Variants in DCC observed in about 807,000 individuals in gnomAD.
The protein encoded by DCC is DCC netrin 1 receptor, also known as netrin receptor DCC.
Under a neutral mutation model 172.5 loss-of-function variants are expected in DCC, and 58 were observed. That is an observed-to-expected ratio of 0.34 (90% CI 0.27 to 0.42). DCC has a LOEUF of 0.42. DCC is among the 10% of genes least tolerant of loss of function. The probability of loss-of-function intolerance (pLI) is 1.00; values close to 1 mark genes in which losing one functional copy is unlikely to be tolerated. For synonymous variants in DCC, 709 were observed against 644.5 expected (o/e 1.10, Z -1.52); for missense variants, 1,740 against 1,791.0 (o/e 0.97, Z 0.51).
intron 4 of DCC, among the ~76,000 whole-genome samples, chr18:52,924,366 T>C (rs2040168581): frequency 6.6e-6 from 1 of 152,134 alleles, no homozygotes; most frequent in Non-Finnish European, 1.5e-5. Flanking sequence ...AAAATGAAAC[T>C]AAATTTTTCT....
chr18:53,264,494 A>AG (rs1436000779), intron 12 of DCC, among the ~76,000 whole-genome samples: 41 of 151,350 alleles, frequency 2.7e-4, no homozygotes, highest in African/African-American at 5.3e-4. Context: ...AAAAAAAAAA[A>AG]AAGAAGAAGA....
intron 2 of DCC, among the ~76,000 whole-genome samples, chr18:52,778,058 A>T (rs2037465365): frequency 6.6e-6 from 1 of 152,236 alleles, no homozygotes. Context: ...AAATAGCAAT[A>T]TACTAAGCGA....
intron 19 of DCC, among the ~76,000 whole-genome samples, chr18:53,404,689 C>A (rs1909545536): frequency 1.3e-5 from 2 of 151,482 alleles, no homozygotes; most frequent in South Asian, 4.2e-4. Flanking sequence ...CCCGTTCGCG[C>A]TACTGCACTC....
intron 19 of DCC, among the ~76,000 whole-genome samples, chr18:53,403,958 C>T (rs1023517592): frequency 1.3e-5 from 2 of 152,068 alleles, no homozygotes; most frequent in East Asian, 3.9e-4. Context: ...AATTTTTATT[C>T]GAGCTGACAA....
chr18:52,953,121 A>C (rs1442084903), intron 5 of DCC, among the ~76,000 whole-genome samples: 2 of 151,830 alleles, frequency 1.3e-5, no homozygotes, highest in Non-Finnish European at 2.9e-5. Flanking sequence ...CTCTGGCTCA[A>C]TCCCCAAGCA....
chr18:52,865,516 T>C (rs573880287), intron 2 of DCC, among the ~76,000 whole-genome samples: 79 of 152,300 alleles, frequency 5.2e-4, no homozygotes, highest in Non-Finnish European at 1.0e-3. Flanking sequence ...TTCCTGACTT[T>C]TTAATGATCG....
intron 5 of DCC, among the ~76,000 whole-genome samples, chr18:53,024,232 G>GAT (rs1333860646): frequency 6.6e-6 from 1 of 152,118 alleles, no homozygotes; most frequent in African/African-American, 2.4e-5. Context: ...TTAGATGAAA[G>GAT]ATATGATATA....
chr18:52,402,876 T>C (rs754980097), intron 1 of DCC, among the ~76,000 whole-genome samples: 10 of 152,044 alleles, frequency 6.6e-5, no homozygotes, highest in Non-Finnish European at 1.0e-4. Context: ...GTCTTCAATA[T>C]AGTTGAACGA....
At chr18:53,435,364 A>G (rs903835649) in intron 22 of DCC, among the ~76,000 whole-genome samples, 155 bp downstream of exon 22, 6 of 150,040 alleles carry the variant, frequency 4.0e-5, no homozygotes, top group African/African-American at 1.5e-4. Flanking sequence ...ATTAAAAAAC[A>G]AAAACAAAAA....
intron 8 of DCC, among the ~76,000 whole-genome samples, chr18:53,159,181 G>A (rs1017030097): frequency 1.3e-5 from 2 of 151,952 alleles, no homozygotes; most frequent in African/African-American, 4.8e-5. Context: ...AATGATTCTT[G>A]CCCAGTCATC....
intron 27 of DCC, among the ~76,000 whole-genome samples, chr18:53,514,061 AAGCTCTCCTCAGCAAATGTAAAAGAACAG>A (rs1158681669): frequency 2.0e-5 from 3 of 152,174 alleles, no homozygotes; most frequent in Non-Finnish European, 2.9e-5. Context: ...CTTGGAAGTA[AAGCTCTCCTCAGCAAATGTAAAAGAACAG>A]AGATTATAAC....
At chr18:52,529,535 C>A (rs1378467931) in intron 1 of DCC, among the ~76,000 whole-genome samples, 1 of 152,210 alleles carries the variant, frequency 6.6e-6, no homozygotes, top group Non-Finnish European at 1.5e-5. Context: ...CGTGATCCAC[C>A]CGCCTCGGCC....
At chr18:53,488,576 CT>C (rs2045927809) in intron 26 of DCC, among the ~76,000 whole-genome samples, 1 of 152,136 alleles carries the variant, frequency 6.6e-6, no homozygotes, top group Non-Finnish European at 1.5e-5. Flanking sequence ...TCAATTTACT[CT>C]TTCCGTTTTC....
chr18:52,713,746 C>T (rs1182953334), intron 1 of DCC, among the ~76,000 whole-genome samples: 1 of 152,128 alleles, frequency 6.6e-6, no homozygotes, highest in Non-Finnish European at 1.5e-5. Flanking sequence ...CTGTTACTGT[C>T]ATCATCATTA....
intron 27 of DCC, among the ~76,000 whole-genome samples, chr18:53,507,828 A>G (rs916235674): frequency 6.6e-6 from 1 of 151,680 alleles, no homozygotes; most frequent in African/African-American, 2.4e-5. Flanking sequence ...TCTTTTACCC[A>G]GCAAGTTTTA....
chr18:53,272,770 G>A (rs1389969907), intron 12 of DCC, among the ~76,000 whole-genome samples: 3 of 152,118 alleles, frequency 2.0e-5, no homozygotes, highest in Non-Finnish European at 4.4e-5. Context: ...AGGTAGCAAT[G>A]TTTACTTCTT....
At position 53,271,046 on chromosome 18, in the gene DCC, G is replaced by A. The variant is rs967256840; in HGVS notation, c.1912-34532G>A. On this transcript the variant is annotated intron_variant, in intron 12 of 28. Coordinates refer to ENST00000442544, the MANE Select transcript of DCC (RefSeq NM_005215.4). ...TAGCTATTACATAGTGGAGCTCAGT[G>A]TGAAATCAAACATTTTGGCTCTAGA... Among the ~76,000 whole-genome samples the A allele has an allele frequency of 7.9e-5, 12 of 152,120 alleles. No individual in the cohort carries two copies. The East Asian group carries it at 9.7e-4, about 12-fold the overall frequency.
intron 21 of DCC, among the ~76,000 whole-genome samples, chr18:53,426,423 T>A (rs1229579536): frequency 1.8e-5 from 2 of 111,644 alleles, no homozygotes; most frequent in East Asian, 2.1e-4. Flanking sequence ...TGATATATAT[T>A]TATATATTTA....
At chr18:53,235,740 C>A (rs1177533352) in intron 12 of DCC, among the ~76,000 whole-genome samples, 1 of 152,090 alleles carries the variant, frequency 6.6e-6, no homozygotes, top group African/African-American at 2.4e-5. Context: ...TTCATCATCT[C>A]AAACAGAAAC....
Sources: allele counts gnomAD v4.1 joint callset (sites outside exome capture counted in the v4.1 genomes callset), GRCh38; gene constraint gnomAD v4.1.1; transcripts MANE v1.5; gene names NCBI Gene and HGNC (gene_info 2026-07-23, HGNC 2026-07-21).